MINDY2: variants seen among roughly 807,000 people sequenced by gnomAD.
MINDY2 encodes MINDY lysine 48 deubiquitinase 2, also known as ubiquitin carboxyl-terminal hydrolase MINDY-2.
MINDY2 carries 52 observed loss-of-function variants against 68.2 expected under a neutral mutation model. That is an observed-to-expected ratio of 0.76 (90% CI 0.61 to 0.96). MINDY2 has a LOEUF of 0.96. Among genes scored for constraint, MINDY2 ranks in the 40% least tolerant of loss-of-function variants. MINDY2 has a pLI of 0.00. For missense variants in MINDY2, 881 were observed against 773.4 expected (o/e 1.14, Z -1.65); for synonymous variants, 372 against 303.0 (o/e 1.23, Z -2.36).
chr15:58,824,663 C>T (rs1450430362), intron 5 of MINDY2, among the ~76,000 whole-genome samples: 4 of 149,828 alleles, frequency 2.7e-5, no homozygotes, highest in Non-Finnish European at 5.9e-5. Context: ...TTTTCTTCAT[C>T]ATATTATCTT....
rs2033141661 is a variant in MINDY2 at position 58,859,001 on chromosome 15, A to G, written c.*4391A>G. 6.6e-6 allele frequency: 1 copy of G among 152,160 alleles called. No homozygotes were observed. Among genetic ancestry groups the G allele is most frequent in the Admixed American group, 6.5e-5 (1 of 15,292 alleles). 9.4% of individuals were successfully genotyped at this position (152,160 alleles called of 1,614,324 possible). ...AAAGGGCATAGTATAAGCACAAAGTATGACTTAATTTATCACAAATATTAC... is the reference window on the plus strand; with the variant it reads ...AAAGGGCATAGTATAAGCACAAAGTGTGACTTAATTTATCACAAATATTAC... On this transcript the variant is annotated 3_prime_UTR_variant, in exon 9 of 9. Coordinates refer to ENST00000559228, the MANE Select transcript of MINDY2 (RefSeq NM_001040450.3).
chr15:58,772,061 G>A lies in MINDY2; in HGVS notation c.666G>A (p.Glu222=), dbSNP rs1900459123. The A allele has an allele frequency of 1.9e-6, 3 of 1,611,356 alleles. No homozygotes were observed. The highest frequency in any genetic ancestry group is 2.5e-6 in the Non-Finnish European group (3 of 1,178,500). The change falls in exon 1 of 9, where the codon GAG becomes GAA. Residue 222 remains glutamate, a synonymous_variant. Transcript: ENST00000559228. The stretch of plus-strand genomic sequence containing the variant: ...CTGTTCCTCTGTGCAAGGAGGAGGA[G>A]GGGGAGGAGACCGCTCAGGTGCTGG... ...PGAVPLCKEE[E]GEETAQVLAA...
At chr15:58,783,291 A>G (rs1901279057) in intron 1 of MINDY2, among the ~76,000 whole-genome samples, 1 of 152,058 alleles carries the variant, frequency 6.6e-6, no homozygotes, top group South Asian at 2.1e-4. Context: ...ATATCTTCCA[A>G]CTTTGAAGAG....
chr15:58,790,167 A>AT (rs1182349033), intron 2 of MINDY2, among the ~76,000 whole-genome samples: 2 of 152,206 alleles, frequency 1.3e-5, no homozygotes, highest in African/African-American at 2.4e-5. Context: ...ATTACTCTGA[A>AT]TACCTAGATG....
At chr15:58,848,931 C>T (rs939423186) in intron 7 of MINDY2, among the ~76,000 whole-genome samples, 13 of 152,042 alleles carry the variant, frequency 8.6e-5, no homozygotes, top group African/African-American at 2.9e-4. Flanking sequence ...AATACTGGGC[C>T]AGGCAAGGTG....
chr15:58,805,244 T>C (rs909706775), intron 3 of MINDY2, among the ~76,000 whole-genome samples: 1 of 151,398 alleles, frequency 6.6e-6, no homozygotes, highest in Non-Finnish European at 1.5e-5. Flanking sequence ...CAAGCTTATA[T>C]GGCTGGGCTG....
intron 2 of MINDY2, chr15:58,796,107 TG>T: frequency 2.2e-6 from 1 of 455,900 alleles, no homozygotes; most frequent in Non-Finnish European, 4.4e-6. Context: ...GGCAAGGAAA[TG>T]GAGCCTCAAG....
chr15:58,802,056 A>T (rs924638814), intron 2 of MINDY2, among the ~76,000 whole-genome samples: 2 of 152,074 alleles, frequency 1.3e-5, no homozygotes, highest in African/African-American at 4.8e-5. Flanking sequence ...GGACCTTTAT[A>T]CATAATAACA....
rs751499297 is a variant in MINDY2, at chr15:58,771,684, G to A, written c.289G>A (p.Ala97Thr). The A allele has an allele frequency of 1.9e-6, 3 of 1,612,528 alleles. No homozygotes were observed. The highest frequency in any genetic ancestry group is 2.2e-5 in the East Asian group (1 of 44,874). Residue 97 changes from alanine (A) to threonine (T), a missense_variant, in exon 1 of 9, where the codon GCC (alanine) becomes ACC (threonine). By Grantham distance (58) the Ala-to-Thr change is moderately conservative. Coordinates refer to ENST00000559228, the MANE Select transcript of MINDY2 (RefSeq NM_001040450.3). ...GGACAGTGGTTTGGAGAGTCCTGCT[G>A]CCGCCGAGGCGCCTCTGAGAGGGCA... ...LKDSGLESPA[A>T]AEAPLRGQYK...
chr15:58,782,088 C>T (rs556902847), intron 1 of MINDY2, among the ~76,000 whole-genome samples: 1 of 151,870 alleles, frequency 6.6e-6, no homozygotes, highest in East Asian at 1.9e-4. Flanking sequence ...TTGCTGGAGC[C>T]AGAATTAAAG....
At chr15:58,836,103 G>A (rs1430856824) in intron 6 of MINDY2, among the ~76,000 whole-genome samples, 2 of 152,060 alleles carry the variant, frequency 1.3e-5, no homozygotes, top group Non-Finnish European at 2.9e-5. Context: ...GTAGAGACAG[G>A]GTTTCGCTGT....
intron 2 of MINDY2, among the ~76,000 whole-genome samples, chr15:58,798,279 G>T (rs2140944976): frequency 6.6e-6 from 1 of 151,240 alleles, no homozygotes; most frequent in South Asian, 2.1e-4. Context: ...ACCATGCCCA[G>T]CTAATTTTTG....
chr15:58,774,793 A>G (rs1228785009), intron 1 of MINDY2, among the ~76,000 whole-genome samples: 1 of 152,168 alleles, frequency 6.6e-6, no homozygotes, highest in African/African-American at 2.4e-5. Flanking sequence ...TCTACTTGGA[A>G]CCTTCAACCT....
Position 58,859,739 on chromosome 15 carries a change from T to G in MINDY2, c.*5129T>G, listed in dbSNP as rs2033163759. 6.6e-6 allele frequency: 1 copy of G among 152,228 alleles called. No homozygotes were observed. The highest frequency in any genetic ancestry group is 1.5e-5 in the Non-Finnish European group (1 of 68,038). The allele number at this position is 152,228 out of a possible 1,614,324, so 9.4% of individuals were successfully genotyped here. ...TATCTAAATTTTAGTTCATGCATGT[T>G]CTTACTTAATCCTGGTGTTTTTGCT... On this transcript the variant is annotated 3_prime_UTR_variant, in exon 9 of 9. Coordinates refer to ENST00000559228, the MANE Select transcript of MINDY2 (RefSeq NM_001040450.3).
rs1156309041 is a variant in MINDY2 at position 58,858,603 on chromosome 15, T to C, written c.*3993T>C. 1.3e-5 allele frequency: 2 copies of C among 152,164 alleles called. No homozygotes were observed. The highest frequency in any genetic ancestry group is 2.9e-5 in the Non-Finnish European group (2 of 67,978). 9.4% of individuals were successfully genotyped at this position (152,164 alleles called of 1,614,324 possible). ...AAATCAAGGCAAGAATTTCCAGAACTGTCCTCAAATAGCTCATTTATTTAA... is the reference window on the plus strand; with the variant it reads ...AAATCAAGGCAAGAATTTCCAGAACCGTCCTCAAATAGCTCATTTATTTAA... On this transcript the variant is annotated 3_prime_UTR_variant, in exon 9 of 9. Transcript: ENST00000559228.
chr15:58,851,876 C>CA lies in MINDY2; in HGVS notation c.1650dup (p.Glu551ArgfsTer47), dbSNP rs1187515331. 1 of 1,613,048 alleles carries CA rather than the reference C, an allele frequency of 6.2e-7. No homozygotes were observed. Among genetic ancestry groups the CA allele is most frequent in the Non-Finnish European group, 8.5e-7 (1 of 1,179,710 alleles). On this transcript the variant is annotated frameshift_variant, in exon 8 of 9. Coordinates refer to ENST00000559228, the MANE Select transcript of MINDY2 (RefSeq NM_001040450.3). LOFTEE classifies it high-confidence loss of function. ...TGATTTGGAACTAGCAAAGAAACTC[C>CA]AAGAGGAAGAGGACAGACGGGCTTC...
chr15:58,832,491 G>T (rs1276630884), intron 6 of MINDY2, among the ~76,000 whole-genome samples: 1 of 149,096 alleles, frequency 6.7e-6, no homozygotes, highest in African/African-American at 2.5e-5. Flanking sequence ...GCCTCCCAAA[G>T]TGCTGGGATT....
At chr15:58,810,013 G>C (rs762867633) in intron 3 of MINDY2, among the ~76,000 whole-genome samples, 9 of 152,164 alleles carry the variant, frequency 5.9e-5, no homozygotes, top group Non-Finnish European at 1.0e-4. Flanking sequence ...CTGACCTCAA[G>C]TGATCCGCCC....
At chr15:58,844,996 C>A (rs2032465630) in intron 6 of MINDY2, among the ~76,000 whole-genome samples, 1 of 145,366 alleles carries the variant, frequency 6.9e-6, no homozygotes, top group African/African-American at 2.6e-5. Flanking sequence ...ACCTATGTGA[C>A]AAGGGATTAA....
Sources: allele counts gnomAD v4.1 joint callset (sites outside exome capture counted in the v4.1 genomes callset), GRCh38; gene constraint gnomAD v4.1.1; transcripts MANE v1.5; gene names NCBI Gene and HGNC (gene_info 2026-07-23, HGNC 2026-07-21).